The following NAA35 variants were observed in gnomAD, a reference collection of about 807,000 sequenced individuals.
NAA35 encodes the protein N-alpha-acetyltransferase 35, NatC auxiliary subunit.
Under a neutral mutation model 101.7 loss-of-function variants are expected in NAA35, and 18 were observed. The ratio of observed to expected loss-of-function variants is 0.18; its 90% CI spans 0.12 to 0.26. NAA35 has a LOEUF of 0.26. Ranked by LOEUF, NAA35 falls within the 10% of genes least tolerant of loss-of-function variation. NAA35 has a pLI of 1.00. For missense variants in NAA35, 601 were observed against 886.8 expected (o/e 0.68, Z 4.09); for synonymous variants, 267 against 273.1 (o/e 0.98, Z 0.22).
intron 12 of NAA35, among the ~76,000 whole-genome samples, chr9:86,000,237 A>G (rs1037256120): frequency 5.9e-5 from 9 of 152,160 alleles, no homozygotes; most frequent in Non-Finnish European, 7.4e-5. Flanking sequence ...CTTGCATCCC[A>G]GGGATGCAGC....
intron 15 of NAA35, among the ~76,000 whole-genome samples, chr9:86,011,969 T>TA: frequency 7.4e-6 from 1 of 134,978 alleles, no homozygotes; most frequent in East Asian, 2.2e-4. Flanking sequence ...ATATAATGTA[T>TA]ATAATATATA....
At chr9:85,965,165 G>A (rs573488302) in intron 6 of NAA35, among the ~76,000 whole-genome samples, 1 of 152,268 alleles carries the variant, frequency 6.6e-6, no homozygotes, top group East Asian at 1.9e-4. Context: ...TGCACGTCTT[G>A]ACTCAGCAGT....
At chr9:85,990,230 T>C (rs1587626279) in intron 11 of NAA35, among the ~76,000 whole-genome samples, 2 of 152,244 alleles carry the variant, frequency 1.3e-5, no homozygotes, top group East Asian at 3.8e-4. Context: ...AATCCGTACC[T>C]GTGAGAACTA....
In NAA35 at chr9:86,013,072, T is replaced by C. The variant is rs749275418; in HGVS notation, c.1317T>C (p.His439=). 17 of 1,591,706 alleles carry C rather than the reference T, an allele frequency of 1.1e-5. No individual in the cohort carries two copies. The highest frequency in any genetic ancestry group is 1.5e-5 in the Non-Finnish European group (17 of 1,164,668). ...VRPFCSLIQI[H]GHNRARQRDK... ...CATTCTGTAGTCTTATTCAGATCCA[T>C]GGACATAACAGGGCTCGACAGAGAG... is the stretch of plus-strand genomic sequence containing the variant. The change falls in exon 16 of 23, where the codon CAT becomes CAC. Residue 439 remains histidine, a synonymous_variant. Transcript: ENST00000361671.
At position 85,956,340 on chromosome 9, in the gene NAA35, T is replaced by G; in HGVS notation, c.125-20T>G. On this transcript the variant is annotated intron_variant, in intron 2 of 22. Transcript: ENST00000361671. ...TTAAATATAAATATGTTCAAAGGGT[T>G]TTTCTCTTTTTTTTTTTAGAATTAA... 1 of 1,344,616 alleles carries G rather than the reference T, an allele frequency of 7.4e-7. No individual in the cohort carries two copies. Among genetic ancestry groups the G allele is most frequent in the Non-Finnish European group, 1.0e-6 (1 of 979,004 alleles). 83.3% of individuals were successfully genotyped at this position (1,344,616 alleles called of 1,614,324 possible). A position where few individuals can be genotyped will look rare whatever the true frequency, so the allele number is the denominator to read the frequency against.
intron 6 of NAA35, among the ~76,000 whole-genome samples, chr9:85,971,533 C>T (rs1829998961): frequency 6.6e-6 from 1 of 152,204 alleles, no homozygotes; most frequent in South Asian, 2.1e-4. Flanking sequence ...ACTAACTATA[C>T]AATGATGAAG....
chr9:85,989,197 G>A (rs1830786140), intron 11 of NAA35, among the ~76,000 whole-genome samples: 1 of 152,166 alleles, frequency 6.6e-6, no homozygotes, highest in Admixed American at 6.5e-5. Flanking sequence ...GACCTGCTGG[G>A]CGTGGTGGCT....
intron 12 of NAA35, among the ~76,000 whole-genome samples, chr9:85,997,377 T>C (rs1036403639): frequency 4.0e-5 from 6 of 151,894 alleles, no homozygotes; most frequent in Non-Finnish European, 8.8e-5. Context: ...GGTTTCCCTC[T>C]GTTGCCCAGG....
In NAA35 at chr9:86,017,350, TAAATA is replaced by T. The variant is rs919346118; in HGVS notation, c.1706-143_1706-139del. ...ATATTTTATTTGTAGATTTTGACCATAAATAAAATTTAACCTGTAGGAACACACTG... is the reference window on the plus strand; with the variant it reads ...ATATTTTATTTGTAGATTTTGACCATAAATTTAACCTGTAGGAACACACTG... On this transcript the variant is annotated intron_variant, in intron 18 of 22. Transcript: ENST00000361671. The T allele has an allele frequency of 1.9e-5, 11 of 574,872 alleles. No individual in the cohort carries two copies. In the Admixed American group the frequency reaches 2.4e-4, roughly 13 times the overall value. 35.6% of individuals were successfully genotyped at this position (574,872 alleles called of 1,614,324 possible). A position where few individuals can be genotyped will look rare whatever the true frequency, so the allele number is the denominator to read the frequency against.
At chr9:85,984,687 A>C (rs771651998) in intron 11 of NAA35, among the ~76,000 whole-genome samples, 2 of 152,228 alleles carry the variant, frequency 1.3e-5, no homozygotes, top group Non-Finnish European at 2.9e-5. Context: ...GATCAGTGGA[A>C]TAGAACAGAA....
intron 11 of NAA35, among the ~76,000 whole-genome samples, chr9:85,990,303 A>G (rs923324817): frequency 5.9e-5 from 9 of 152,256 alleles, no homozygotes; most frequent in Non-Finnish European, 1.0e-4. Flanking sequence ...CCCTTTACTC[A>G]GACACCTCCT....
intron 1 of NAA35, 51 bp downstream of exon 1, chr9:85,941,324 A>C: frequency 4.1e-6 from 4 of 985,554 alleles, no homozygotes; most frequent in Non-Finnish European, 4.8e-6. Flanking sequence ...CGTGTGTCCG[A>C]GAGCCGCAGC....
intron 11 of NAA35, among the ~76,000 whole-genome samples, chr9:85,978,622 C>T (rs568272887): frequency 9.2e-5 from 14 of 151,996 alleles, no homozygotes; most frequent in Non-Finnish European, 1.9e-4. Flanking sequence ...TGTCTTATGT[C>T]CATGCTGTGA....
chr9:85,960,476 A>T (rs1829467571), intron 5 of NAA35, among the ~76,000 whole-genome samples: 1 of 152,070 alleles, frequency 6.6e-6, no homozygotes, highest in African/African-American at 2.4e-5. Context: ...ATTGATTGCT[A>T]GTGTGTGTAC....
intron 17 of NAA35, chr9:86,014,310 C>A: frequency 3.4e-6 from 3 of 878,472 alleles, no homozygotes; most frequent in Non-Finnish European, 4.1e-6. Flanking sequence ...ATAACTGTTT[C>A]AAACCGTGGT....
intron 2 of NAA35, among the ~76,000 whole-genome samples, chr9:85,949,055 C>T (rs1828889373): frequency 1.3e-5 from 2 of 152,098 alleles, no homozygotes; most frequent in South Asian, 4.1e-4. Flanking sequence ...CCATGTCTGA[C>T]CTTGATACCT....
At chr9:85,992,942 G>A (rs752232448) in intron 11 of NAA35, among the ~76,000 whole-genome samples, 6 of 152,056 alleles carry the variant, frequency 3.9e-5, no homozygotes, top group Non-Finnish European at 8.8e-5. Context: ...TTTTGAGATT[G>A]TTTCAAAAGA....
Position 86,013,865 on chromosome 9 carries a change from C to T in NAA35, c.1536C>T (p.Leu512=), listed in dbSNP as rs1564327173. The T allele has an allele frequency of 6.2e-7, 1 of 1,613,780 alleles. No homozygotes were observed. Among genetic ancestry groups the T allele is most frequent in the Middle Eastern group, 1.7e-4 (1 of 6,060 alleles). Residue 512 remains leucine (L), a synonymous_variant, in exon 17 of 23, where the codon CTC becomes CTT. Coordinates refer to ENST00000361671, the MANE Select transcript of NAA35 (RefSeq NM_024635.4). The part of the protein sequence containing the change: ...QYLLSGFELE[L]YSMHEYYYIY... ...TTCTAAGTGGCTTTGAATTGGAACT[C>T]TACAGTATGCACGAGTACTATTACA...
At chr9:85,968,570 C>T (rs928643560) in intron 6 of NAA35, among the ~76,000 whole-genome samples, 2 of 151,872 alleles carry the variant, frequency 1.3e-5, no homozygotes, top group African/African-American at 4.8e-5. Flanking sequence ...AATAAAAGTA[C>T]TAATACTTGT....
Sources: gnomAD v4.1 joint callset for allele counts (sites outside exome capture counted in the v4.1 genomes callset) on GRCh38, gnomAD v4.1.1 for gene constraint, MANE v1.5 for transcripts, NCBI Gene and HGNC (gene_info 2026-07-23, HGNC 2026-07-21) for gene names.